ZNF148: variants seen among roughly 807,000 people sequenced by gnomAD.
The protein encoded by ZNF148 is Beta-Enolase Repressor Factor-1.
In ZNF148, 7 loss-of-function variants were observed where a neutral mutation model predicts 67.7. The ratio of observed to expected loss-of-function variants is 0.10; its 90% CI spans 0.06 to 0.19. The LOEUF (loss-of-function observed/expected upper bound fraction) is 0.19. ZNF148 is among the 10% of genes least tolerant of loss of function. ZNF148 has a pLI of 1.00. For missense variants in ZNF148, 583 were observed against 947.1 expected, an observed-to-expected ratio of 0.62 and a Z score of 5.05; for synonymous variants, 333 against 330.7, an observed-to-expected ratio of 1.01 and a Z score of -0.08.
chr3:125,331,150 T>G lies in ZNF148; in HGVS notation c.-153+8A>C, dbSNP rs575853632. ...AATTAAAGATTGACTCAAAGAATGC[T>G]GAATTACCTCCATTAAATACGTTAG... On this transcript the variant is annotated splice_region_variant and intron_variant, in intron 2 of 8. Transcript: ENST00000360647. 1.6e-4 allele frequency: 65 copies of G among 398,568 alleles called. 1 individual carries two copies. Among genetic ancestry groups the G allele is most frequent in the Non-Finnish European group, 2.0e-4 (45 of 226,044 alleles). The allele number at this position is 398,568 out of a possible 1,614,324, so 24.7% of individuals were successfully genotyped here. A position where few individuals can be genotyped will look rare whatever the true frequency, so the allele number is the denominator to read the frequency against.
chr3:125,330,099 G>A (rs1941220320), intron 2 of ZNF148, among the ~76,000 whole-genome samples: 1 of 152,120 alleles, frequency 6.6e-6, no homozygotes, highest in South Asian at 2.1e-4. Context: ...ATTATCAGAA[G>A]ATATGGTAAA....
At chr3:125,291,234 G>C (rs995112974) in intron 4 of ZNF148, among the ~76,000 whole-genome samples, 1 of 152,034 alleles carries the variant, frequency 6.6e-6, no homozygotes, top group Non-Finnish European at 1.5e-5. Context: ...CACTGACTTA[G>C]AGCATTATCA....
Position 125,269,379 on chromosome 3 carries a change from TA to T in ZNF148, c.667+8346del, listed in dbSNP as rs1269289380. Among the ~76,000 whole-genome samples the T allele has an allele frequency of 6.5e-3, 874 of 135,142 alleles. 7 individuals are homozygous for T. The highest frequency in any genetic ancestry group is 0.029 in the Middle Eastern group (7 of 242). 88.7% of individuals were successfully genotyped at this position (135,142 alleles called of 152,430 possible). A position where few individuals can be genotyped will look rare whatever the true frequency, so the allele number is the denominator to read the frequency against. ...CTAAGTGACATAGCAACATCATCTT[TA>T]AAAAAAAAAATGAACACCACAATGA... On this transcript the variant is annotated intron_variant, in intron 7 of 8. Coordinates refer to ENST00000360647, the MANE Select transcript of ZNF148 (RefSeq NM_021964.3).
At chr3:125,331,104 T>C (rs1941272269) in intron 2 of ZNF148, 54 bp downstream of exon 2, 2 of 398,360 alleles carry the variant, frequency 5.0e-6, no homozygotes, top group African/African-American at 2.1e-5. Context: ...TGTAGTAACA[T>C]GGGCATCCAT....
Position 125,304,192 on chromosome 3 carries a change from G to A in ZNF148, c.333+9116C>T, listed in dbSNP as rs554480775. Reference sequence around the variant, plus strand: ...GAAGAGGGCTTCTACATGGGAGGATGGCCCAATATAAGATGTCAAAGACCA... The same window carrying A: ...GAAGAGGGCTTCTACATGGGAGGATAGCCCAATATAAGATGTCAAAGACCA... On this transcript the variant is annotated intron_variant, in intron 4 of 8. Coordinates refer to ENST00000360647, the MANE Select transcript of ZNF148 (RefSeq NM_021964.3). Among the ~76,000 whole-genome samples the A allele has an allele frequency of 1.2e-3, 177 of 152,182 alleles. 1 individual carries two copies. The highest frequency in any genetic ancestry group is 3.4e-3 in the Middle Eastern group (1 of 294).
intron 1 of ZNF148, among the ~76,000 whole-genome samples, chr3:125,343,573 C>T (rs778667600): frequency 1.3e-5 from 2 of 151,582 alleles, no homozygotes; most frequent in African/African-American, 4.9e-5. Flanking sequence ...GTAAAACGCA[C>T]CAATCAGCAG....
rs573767291 is a variant in ZNF148, at chr3:125,304,659, A to T, written c.333+8649T>A. Among the ~76,000 whole-genome samples, 3 of 152,306 alleles carry T rather than the reference A, an allele frequency of 2.0e-5. No individual in the cohort carries two copies. In the East Asian group the frequency reaches 5.8e-4, roughly 29 times the overall value. On this transcript the variant is annotated intron_variant, in intron 4 of 8. Transcript: ENST00000360647. ...GTAGCAGTAGGAACTCATGGTTTTCAATATTGATAGATATGGAAATTATAG... is the reference window on the plus strand; with the variant it reads ...GTAGCAGTAGGAACTCATGGTTTTCTATATTGATAGATATGGAAATTATAG...
At chr3:125,374,899 C>G (rs1943014323) in intron 1 of ZNF148, among the ~76,000 whole-genome samples, 1 of 151,954 alleles carries the variant, frequency 6.6e-6, no homozygotes, top group African/African-American at 2.4e-5. Context: ...CCCAACCCAC[C>G]CTCCGCGCCC....
At chr3:125,340,010 A>G (rs1321775850) in intron 1 of ZNF148, among the ~76,000 whole-genome samples, 1 of 152,116 alleles carries the variant, frequency 6.6e-6, no homozygotes, top group Non-Finnish European at 1.5e-5. Flanking sequence ...TACTGCCCCT[A>G]CTCACGAAGC....
At chr3:125,262,026 G>A (rs969844650) in intron 7 of ZNF148, among the ~76,000 whole-genome samples, 1 of 151,874 alleles carries the variant, frequency 6.6e-6, no homozygotes, top group Non-Finnish European at 1.5e-5. Context: ...TAATGAAAAC[G>A]CTGGAATTCT....
chr3:125,349,562 T>C (rs1249663098), intron 1 of ZNF148, among the ~76,000 whole-genome samples: 2 of 152,196 alleles, frequency 1.3e-5, no homozygotes, highest in African/African-American at 2.4e-5. Flanking sequence ...TGGCTATTAT[T>C]AAAAATCATA....
intron 1 of ZNF148, among the ~76,000 whole-genome samples, chr3:125,347,563 TG>T (rs2107749858): frequency 8.7e-6 from 1 of 115,026 alleles, no homozygotes; most frequent in Non-Finnish European, 1.7e-5. Context: ...TTAAATTTTA[TG>T]TATTATTTTT....
intron 5 of ZNF148, 131 bp from the exon 6 acceptor site, chr3:125,279,378 C>T (rs936904083): frequency 8.1e-6 from 6 of 743,410 alleles, no homozygotes; most frequent in Non-Finnish European, 1.2e-5. Flanking sequence ...CTTAAATGAT[C>T]TTGAAAAGAC....
At chr3:125,351,714 C>A (rs567822411) in intron 1 of ZNF148, among the ~76,000 whole-genome samples, 1 of 152,202 alleles carries the variant, frequency 6.6e-6, no homozygotes, top group South Asian at 2.1e-4. Flanking sequence ...AATAAAAAGA[C>A]AACCCAACTA....
chr3:125,315,297 T>TAA (rs983915619), intron 3 of ZNF148, among the ~76,000 whole-genome samples: 5 of 152,116 alleles, frequency 3.3e-5, no homozygotes, highest in Non-Finnish European at 5.9e-5. Flanking sequence ...TATATTAAAA[T>TAA]ACCTTAAAAA....
At chr3:125,327,338 G>C (rs1019492829) in intron 2 of ZNF148, among the ~76,000 whole-genome samples, 11 of 152,148 alleles carry the variant, frequency 7.2e-5, no homozygotes, top group African/African-American at 2.4e-5. Context: ...AGAATAATTA[G>C]ACAGAAAATT....
intron 7 of ZNF148, among the ~76,000 whole-genome samples, chr3:125,252,457 T>C (rs1413513356): frequency 6.6e-6 from 1 of 152,072 alleles, no homozygotes; most frequent in Non-Finnish European, 1.5e-5. Flanking sequence ...TCAAGATTAA[T>C]TTTTCCCCCT....
chr3:125,279,790 T>C (rs1452254279), intron 5 of ZNF148, among the ~76,000 whole-genome samples: 1 of 152,088 alleles, frequency 6.6e-6, no homozygotes. Flanking sequence ...TGTATAGTTT[T>C]GCTAACTTTT....
intron 4 of ZNF148, chr3:125,311,075 T>G (rs188866459): frequency 7.7e-5 from 16 of 208,628 alleles, no homozygotes; most frequent in Admixed American, 3.1e-4. Flanking sequence ...GAGAAAGCTC[T>G]AGGGAAAATG....
Sources: gnomAD v4.1 joint callset for allele counts (sites outside exome capture counted in the v4.1 genomes callset) on GRCh38, gnomAD v4.1.1 for gene constraint, MANE v1.5 for transcripts, NCBI Gene and HGNC (gene_info 2026-07-23, HGNC 2026-07-21) for gene names.